The following NAV3 variants were observed in gnomAD, a reference collection of about 807,000 sequenced individuals.
The protein encoded by NAV3 is neuron navigator 3.
Under a neutral mutation model 244.7 loss-of-function variants are expected in NAV3, and 87 were observed. The observed-to-expected ratio is 0.36, with a 90% CI of 0.30 to 0.42. The LOEUF is 0.42. Ranked by LOEUF, NAV3 falls within the 20% of genes least tolerant of loss-of-function variation. The pLI, the probability that NAV3 is intolerant of heterozygous loss-of-function variation, is 1.00. For synonymous variants in NAV3, 1,126 were observed against 1,042.2 expected, an observed-to-expected ratio of 1.08 and a Z score of -1.55; for missense variants, 2,663 against 2,893.3, an observed-to-expected ratio of 0.92 and a Z score of 1.83.
At chr12:77,941,332 A>G (rs1429293140) in intron 3 of NAV3, among the ~76,000 whole-genome samples, 199 bp downstream of exon 3, 3 of 152,152 alleles carry the variant, frequency 2.0e-5, no homozygotes, top group African/African-American at 7.2e-5. Flanking sequence ...CACATGACAT[A>G]TTTCCAGATG....
chr12:77,661,845 T>C (rs1414833409), intron 2 of NAV3, among the ~76,000 whole-genome samples: 1 of 152,088 alleles, frequency 6.6e-6, no homozygotes, highest in Non-Finnish European at 1.5e-5. Context: ...AAAAACAGTT[T>C]ATAAAATGTG....
At chr12:78,180,034 A>T (rs1958432905) in intron 29 of NAV3, among the ~76,000 whole-genome samples, 1 of 152,108 alleles carries the variant, frequency 6.6e-6, no homozygotes, top group South Asian at 2.1e-4. Context: ...TTCTTTTGAA[A>T]TCTGATTTTC....
At chr12:78,199,094 C>T (rs1435813967) in intron 36 of NAV3, 1 of 604,864 alleles carries the variant, frequency 1.7e-6, no homozygotes, top group Non-Finnish European at 3.1e-6. Flanking sequence ...GACTCCCACT[C>T]ACTTCTGACG....
chr12:78,179,700 T>G lies in NAV3; in HGVS notation c.5517+18T>G. ...GGATGCAGGTTGGTACTGAAGCACT[T>G]TCAAGGAATAAAATGGAGAAACAAA... is the stretch of plus-strand genomic sequence containing the variant. On this transcript the variant is annotated intron_variant, in intron 29 of 39. Transcript: ENST00000397909. 6.3e-7 allele frequency: 1 copy of G among 1,593,456 alleles called. No individual in the cohort carries two copies. The highest frequency in any genetic ancestry group is 8.5e-7 in the Non-Finnish European group (1 of 1,170,314).
At chr12:78,113,070 A>T (rs1305915505) in intron 12 of NAV3, among the ~76,000 whole-genome samples, 2 of 152,190 alleles carry the variant, frequency 1.3e-5, no homozygotes, top group Non-Finnish European at 2.9e-5. Context: ...ATCTCCTTTG[A>T]CTTCATATCT....
At chr12:78,205,345 A>G (rs1351017288) in intron 39 of NAV3, among the ~76,000 whole-genome samples, 1 of 152,194 alleles carries the variant, frequency 6.6e-6, no homozygotes, top group Non-Finnish European at 1.5e-5. Context: ...AAGAAATGCT[A>G]CAACCAGAAT....
At chr12:78,094,088 C>T (rs1954108415) in intron 12 of NAV3, among the ~76,000 whole-genome samples, 1 of 152,224 alleles carries the variant, frequency 6.6e-6, no homozygotes. Context: ...AATCGTCCCA[C>T]TTTAGCTTCC....
intron 30 of NAV3, among the ~76,000 whole-genome samples, chr12:78,181,654 G>T (rs1028206314): frequency 2.6e-5 from 4 of 152,044 alleles, no homozygotes; most frequent in Admixed American, 6.6e-5. Flanking sequence ...CTGTGGAACA[G>T]TTCATTCAAG....
At chr12:77,988,573 T>C (rs1333540600) in intron 5 of NAV3, among the ~76,000 whole-genome samples, 1 of 152,180 alleles carries the variant, frequency 6.6e-6, no homozygotes, top group Non-Finnish European at 1.5e-5. Context: ...GATGATCACA[T>C]ACTTCTTTTA....
chr12:77,836,565 A>T (rs1592739013), intron 1 of NAV3, among the ~76,000 whole-genome samples: 1 of 152,188 alleles, frequency 6.6e-6, no homozygotes, highest in East Asian at 1.9e-4. Context: ...AAACAGAGAG[A>T]GTAGGAGTCA....
intron 2 of NAV3, among the ~76,000 whole-genome samples, chr12:77,818,280 T>C (rs991828555): frequency 1.3e-5 from 2 of 152,176 alleles, no homozygotes; most frequent in African/African-American, 2.4e-5. Context: ...AGTGCAAATA[T>C]ACCATTATTA....
At chr12:77,840,713 T>C (rs1431690171) in intron 1 of NAV3, among the ~76,000 whole-genome samples, 1 of 152,176 alleles carries the variant, frequency 6.6e-6, no homozygotes, top group African/African-American at 2.4e-5. Flanking sequence ...TGCTGGAAGT[T>C]ATACCCAAGC....
chr12:78,198,209 T>C (rs762600056), intron 35 of NAV3, among the ~76,000 whole-genome samples: 3 of 151,860 alleles, frequency 2.0e-5, no homozygotes, highest in Non-Finnish European at 4.4e-5. Flanking sequence ...AGAATACAAA[T>C]TTTCTCACAA....
At chr12:77,809,632 A>C (rs1397107536) in intron 2 of NAV3, among the ~76,000 whole-genome samples, 2 of 152,232 alleles carry the variant, frequency 1.3e-5, no homozygotes, top group Admixed American at 1.3e-4. Context: ...CTTGCCAGCT[A>C]CTTGATCTGT....
At chr12:77,700,886 A>C (rs574178521) in intron 2 of NAV3, among the ~76,000 whole-genome samples, 1 of 151,778 alleles carries the variant, frequency 6.6e-6, no homozygotes, top group East Asian at 1.9e-4. Flanking sequence ...TCCTGTAATA[A>C]ACCCAATTTA....
At chr12:78,083,061 C>T (rs1953441793) in intron 12 of NAV3, among the ~76,000 whole-genome samples, 1 of 152,182 alleles carries the variant, frequency 6.6e-6, no homozygotes, top group African/African-American at 2.4e-5. Context: ...AAGAAATTCA[C>T]ATCTTAGAGT....
chr12:77,640,247 G>A (rs183395337), intron 2 of NAV3, among the ~76,000 whole-genome samples: 5 of 152,266 alleles, frequency 3.3e-5, no homozygotes, highest in African/African-American at 9.6e-5. Context: ...AGCAGAGAGA[G>A]AGAGGGAGAG....
chr12:77,964,926 C>A (rs1892378064), intron 3 of NAV3, among the ~76,000 whole-genome samples: 1 of 151,940 alleles, frequency 6.6e-6, no homozygotes, highest in Non-Finnish European at 1.5e-5. Flanking sequence ...AATAGTTTCT[C>A]TATTTTATAA....
chr12:78,108,512 A>T (rs1414676263), intron 12 of NAV3, among the ~76,000 whole-genome samples: 1 of 152,152 alleles, frequency 6.6e-6, no homozygotes, highest in Non-Finnish European at 1.5e-5. Context: ...AATTTGTGTC[A>T]TCAGCACATG....
Sources: allele counts gnomAD v4.1 joint callset (sites outside exome capture counted in the v4.1 genomes callset), GRCh38; gene constraint gnomAD v4.1.1; transcripts MANE v1.5; gene names NCBI Gene and HGNC (gene_info 2026-07-23, HGNC 2026-07-21).